Variants in ITK observed in about 807,000 individuals in gnomAD.
ITK encodes the protein IL2 inducible T cell kinase, also known as tyrosine-protein kinase ITK/TSK.
In ITK, 45 loss-of-function variants were observed where a neutral mutation model predicts 87.6. The ratio of observed to expected loss-of-function variants is 0.51; its 90% CI spans 0.40 to 0.66. ITK has a LOEUF of 0.66. Among genes scored for constraint, ITK ranks in the 30% least tolerant of loss-of-function variants. The pLI is 0.00. For missense variants in ITK, 605 were observed against 766.3 expected, an observed-to-expected ratio of 0.79 and a Z score of 2.48; for synonymous variants, 303 against 273.6, an observed-to-expected ratio of 1.11 and a Z score of -1.06.
rs771105159 is a variant in ITK, at chr5:157,222,862, G to T, written c.496-1G>T. Reference sequence around the variant, plus strand: ...TTGGTTTTGTTGTCTCTCTTCCCCAGCGACCACTTTGGGAACCTGAAGAAA... The same window carrying T: ...TTGGTTTTGTTGTCTCTCTTCCCCATCGACCACTTTGGGAACCTGAAGAAA... On this transcript the variant is annotated splice_acceptor_variant, in intron 5 of 16. Coordinates refer to ENST00000422843, the MANE Select transcript of ITK (RefSeq NM_005546.4). LOFTEE classifies it high-confidence loss of function. The T allele has an allele frequency of 1.2e-6, 2 of 1,613,942 alleles. No individual in the cohort carries two copies.
intron 4 of ITK, among the ~76,000 whole-genome samples, chr5:157,216,884 G>A (rs779515241): frequency 7.9e-5 from 12 of 152,104 alleles, no homozygotes; most frequent in Non-Finnish European, 1.8e-4. Flanking sequence ...GTCTGCACGG[G>A]ACTGGGCTCC....
chr5:157,244,183 C>T (rs1754972116), intron 12 of ITK, 79 bp from the exon 13 acceptor site: 1 of 1,085,304 alleles, frequency 9.2e-7, no homozygotes, highest in Non-Finnish European at 1.4e-6. Flanking sequence ...TGACCATTGG[C>T]TATTTTGGTA....
intron 9 of ITK, among the ~76,000 whole-genome samples, chr5:157,239,240 C>T (rs1353133240): frequency 6.6e-6 from 1 of 152,160 alleles, no homozygotes; most frequent in Admixed American, 6.5e-5. Context: ...CAAAGTGATA[C>T]AAAGCAAAAT....
At chr5:157,228,208 C>T (rs1335665622) in intron 6 of ITK, 88 bp from the exon 7 acceptor site, 19 of 845,170 alleles carry the variant, frequency 2.2e-5, no homozygotes, top group African/African-American at 3.4e-5. Context: ...ATTCCCCAAT[C>T]TTTAAATGAC....
At chr5:157,185,561 C>T (rs1323709319) in intron 1 of ITK, among the ~76,000 whole-genome samples, 1 of 151,774 alleles carries the variant, frequency 6.6e-6, no homozygotes. Context: ...AATAATTAAG[C>T]AAGGCCAGAC....
intron 5 of ITK, among the ~76,000 whole-genome samples, chr5:157,219,133 A>G (rs1357253948): frequency 7.2e-6 from 1 of 139,422 alleles, no homozygotes; most frequent in Non-Finnish European, 1.5e-5. Context: ...TTTTTTTGAG[A>G]TAGAGTCTTG....
intron 7 of ITK, among the ~76,000 whole-genome samples, chr5:157,231,331 C>G (rs535436152): frequency 6.6e-6 from 1 of 152,224 alleles, no homozygotes; most frequent in African/African-American, 2.4e-5. Flanking sequence ...GCTATTTACC[C>G]ACCATGCTGG....
rs1362373639 is a variant in ITK at position 157,214,229 on chromosome 5, C to A, written c.364C>A (p.Pro122Thr). 2.5e-6 allele frequency: 4 copies of A among 1,609,192 alleles called. No individual in the cohort carries two copies. Among genetic ancestry groups the A allele is most frequent in the Non-Finnish European group, 3.4e-6 (4 of 1,175,670 alleles). The change falls in exon 4 of 17, where the codon CCT becomes ACT. Residue 122 changes from proline to threonine, a missense_variant. Physicochemically the swap from Pro to Thr is conservative, Grantham distance 38 (BLOSUM62 -1). Coordinates refer to ENST00000422843, the MANE Select transcript of ITK (RefSeq NM_005546.4). ...TAACAGTTTGGTGCCTAAATATCATCCTAATTTCTGGATGGATGGGAAGTG... is the reference window on the plus strand; with the variant it reads ...TAACAGTTTGGTGCCTAAATATCATACTAATTTCTGGATGGATGGGAAGTG... ...NNNSLVPKYH[P>T]NFWMDGKWRC...
At chr5:157,209,516 A>G (rs540297986) in intron 2 of ITK, among the ~76,000 whole-genome samples, 7 of 152,290 alleles carry the variant, frequency 4.6e-5, no homozygotes, top group African/African-American at 1.7e-4. Context: ...AATCTTGAAA[A>G]GGTGGTTATT....
rs138009976 is a variant in ITK at position 157,189,539 on chromosome 5, G to A, written c.138+8424G>A. Among the ~76,000 whole-genome samples the A allele has an allele frequency of 5.4e-3, 829 of 152,310 alleles. 4 individuals carry two copies. The highest frequency in any genetic ancestry group is 0.018 in the African/African-American group (758 of 41,570). On this transcript the variant is annotated intron_variant, in intron 1 of 16. Coordinates refer to ENST00000422843, the MANE Select transcript of ITK (RefSeq NM_005546.4). ...TACTAAAAATACAAAAAATTAGTCAGGCGTGGTGGCATATGCCTGTAATCT... is the reference window on the plus strand; with the variant it reads ...TACTAAAAATACAAAAAATTAGTCAAGCGTGGTGGCATATGCCTGTAATCT...
intron 9 of ITK, among the ~76,000 whole-genome samples, chr5:157,238,922 C>T (rs978833757): frequency 6.6e-6 from 1 of 152,170 alleles, no homozygotes; most frequent in Non-Finnish European, 1.5e-5. Flanking sequence ...AGAGAAGAGA[C>T]AAATAATTTT....
chr5:157,219,988 T>A (rs1043577221), intron 5 of ITK, among the ~76,000 whole-genome samples: 1 of 152,240 alleles, frequency 6.6e-6, no homozygotes, highest in African/African-American at 2.4e-5. Context: ...ATTGTTCTAG[T>A]TTCAACCGCA....
intron 1 of ITK, among the ~76,000 whole-genome samples, chr5:157,205,275 A>G (rs538100406): frequency 9.3e-4 from 141 of 152,322 alleles, no homozygotes; most frequent in African/African-American, 3.3e-3. Context: ...CAGAGCTCTT[A>G]TAGTAAGAGG....
intron 3 of ITK, chr5:157,213,640 C>A: frequency 2.3e-6 from 1 of 440,790 alleles, no homozygotes. Context: ...CCTCGGCCTA[C>A]GAAAGTACTG....
At chr5:157,187,118 T>G (rs1753661121) in intron 1 of ITK, among the ~76,000 whole-genome samples, 1 of 152,248 alleles carries the variant, frequency 6.6e-6, no homozygotes, top group African/African-American at 2.4e-5. Flanking sequence ...GGGAAAGCCT[T>G]CCTTGATGTC....
chr5:157,194,232 C>T (rs1753809612), intron 1 of ITK, among the ~76,000 whole-genome samples: 2 of 152,076 alleles, frequency 1.3e-5, no homozygotes, highest in Admixed American at 6.5e-5. Flanking sequence ...TTTCTCGCTG[C>T]GAGTTTGTGA....
chr5:157,183,778 C>G (rs73300194), intron 1 of ITK, among the ~76,000 whole-genome samples: 8,910 of 152,156 alleles, frequency 0.059, 403 homozygotes, highest in African/African-American at 0.13. Context: ...TTCTTTTTCT[C>G]TTTTCTCATG....
At chr5:157,232,492 G>A in intron 8 of ITK, 98 bp downstream of exon 8, 2 of 785,772 alleles carry the variant, frequency 2.5e-6, no homozygotes, top group Non-Finnish European at 4.3e-6. Context: ...CAAGGTGGGA[G>A]GATCACTTGA....
intron 4 of ITK, 90 bp downstream of exon 4, chr5:157,214,409 C>T: frequency 9.5e-7 from 1 of 1,050,818 alleles, no homozygotes; most frequent in Non-Finnish European, 1.5e-6. Flanking sequence ...GTGTCAGGAA[C>T]AGAATGCAAA....
Sources: allele counts gnomAD v4.1 joint callset (sites outside exome capture counted in the v4.1 genomes callset), GRCh38; gene constraint gnomAD v4.1.1; transcripts MANE v1.5; gene names NCBI Gene and HGNC (gene_info 2026-07-23, HGNC 2026-07-21).